LSM12: variants seen among roughly 807,000 people sequenced by gnomAD.
The protein encoded by LSM12 is LSM12 homolog.
For synonymous variants in LSM12, 74 were observed against 87.3 expected, an observed-to-expected ratio of 0.85 and a Z score of 0.85; for missense variants, 108 against 238.9, an observed-to-expected ratio of 0.45 and a Z score of 3.61.
intron 2 of LSM12, among the ~76,000 whole-genome samples, chr17:44,046,822 T>C (rs2049575544): frequency 7.3e-6 from 1 of 136,100 alleles, no homozygotes; most frequent in Admixed American, 7.6e-5. Context: ...CCTCCGCCTC[T>C]GGGGTTCAAG....
chr17:44,041,591 T>A (rs1370988716), intron 2 of LSM12, among the ~76,000 whole-genome samples: 1 of 152,216 alleles, frequency 6.6e-6, no homozygotes, highest in Non-Finnish European at 1.5e-5. Context: ...ACGAAGAGTC[T>A]GAATTCTACG....
chr17:44,036,439 T>C (rs9675211), intron 4 of LSM12, 139 bp from the exon 5 acceptor site: 205,542 of 1,124,876 alleles, frequency 0.18, 20,572 homozygotes, highest in Non-Finnish European at 0.2. Context: ...TTGCTGTCTA[T>C]TGGCCTTCCC....
At chr17:44,049,758 G>A (rs66626698) in intron 2 of LSM12, among the ~76,000 whole-genome samples, 5,759 of 152,290 alleles carry the variant, frequency 0.038, 154 homozygotes, top group Non-Finnish European at 0.058. Flanking sequence ...GTGCCGTGGG[G>A]AATCCAGAGG....
chr17:44,059,687 A>G (rs2049769878), intron 2 of LSM12, among the ~76,000 whole-genome samples: 1 of 152,212 alleles, frequency 6.6e-6, no homozygotes, highest in African/African-American at 2.4e-5. Context: ...GCCAATTTCC[A>G]AGAAGTTGCT....
At chr17:44,051,534 C>G (rs1031765919) in intron 2 of LSM12, among the ~76,000 whole-genome samples, 8 of 151,338 alleles carry the variant, frequency 5.3e-5, no homozygotes, top group Non-Finnish European at 5.9e-5. Context: ...ACCTAAGTGA[C>G]AAAGTAAGAC....
rs940312020 is a variant in LSM12, at chr17:44,066,642, G to A, written c.-55C>T. On this transcript the variant is annotated 5_prime_UTR_variant, in exon 1 of 5. Coordinates refer to ENST00000293406, the MANE Select transcript of LSM12 (RefSeq NM_001371445.1). ...CGGCGGCAGCAGCGGGCGAAAGCCGGGCCCCCAGTGAGCGCCGCGACGCGA... is the reference window on the plus strand; with the variant it reads ...CGGCGGCAGCAGCGGGCGAAAGCCGAGCCCCCAGTGAGCGCCGCGACGCGA... The A allele has an allele frequency of 5.4e-6, 7 of 1,286,292 alleles. No individual in the cohort carries two copies. The highest frequency in any genetic ancestry group is 3.1e-5 in the African/African-American group (2 of 64,050). The allele number at this position is 1,286,292 out of a possible 1,614,324, so 79.7% of individuals were successfully genotyped here. A position where few individuals can be genotyped will look rare whatever the true frequency, so the allele number is the denominator to read the frequency against.
At chr17:44,066,765 G>T (rs755852745), upstream of LSM12, 1 of 759,986 alleles carries the variant, frequency 1.3e-6, no homozygotes, top group Non-Finnish European at 1.8e-6. Flanking sequence ...AGGAAATAAA[G>T]GGGAATCTGA....
intron 3 of LSM12, 51 bp from the exon 4 acceptor site, chr17:44,037,589 A>T (rs1472314001): frequency 3.9e-6 from 6 of 1,530,930 alleles, no homozygotes; most frequent in Non-Finnish European, 2.6e-6. Flanking sequence ...GGCATCCCAC[A>T]TCTCCTGTCT....
chr17:44,066,262 G>A (rs2049874148), intron 1 of LSM12, among the ~76,000 whole-genome samples: 1 of 152,002 alleles, frequency 6.6e-6, no homozygotes, highest in South Asian at 2.1e-4. Context: ...CGCAAAGAGA[G>A]AGAGACAGGA....
intron 2 of LSM12, among the ~76,000 whole-genome samples, chr17:44,062,245 C>T (rs2049807126): frequency 7.5e-6 from 1 of 133,864 alleles, no homozygotes; most frequent in Admixed American, 7.5e-5. Context: ...AAAAAAAAAG[C>T]TATGAATAGG....
chr17:44,055,833 A>C (rs1441374344), intron 2 of LSM12, among the ~76,000 whole-genome samples: 2 of 150,886 alleles, frequency 1.3e-5, no homozygotes, highest in Non-Finnish European at 2.9e-5. Flanking sequence ...AATAATTATC[A>C]TATCAACTCC....
At chr17:44,036,756 G>A (rs1390774782) in intron 4 of LSM12, 1 of 169,766 alleles carries the variant, frequency 5.9e-6, no homozygotes, top group African/African-American at 2.4e-5. Context: ...GACATATGTA[G>A]GGTCAGAGAC....
intron 1 of LSM12, among the ~76,000 whole-genome samples, chr17:44,066,184 C>T (rs937423719): frequency 2.0e-5 from 3 of 147,060 alleles, no homozygotes; most frequent in Non-Finnish European, 3.0e-5. Context: ...TCATAACGTT[C>T]CCCCCAAAAA....
chr17:44,052,489 T>G (rs147458789), intron 2 of LSM12, among the ~76,000 whole-genome samples: 1 of 152,032 alleles, frequency 6.6e-6, no homozygotes, highest in Admixed American at 6.6e-5. Flanking sequence ...CCGGGTGCGG[T>G]GGCTCACACT....
In LSM12 at chr17:44,064,516, T is replaced by C. The variant is rs1191066374; in HGVS notation, c.125-582A>G. 4.0e-5 allele frequency among the ~76,000 whole-genome samples: 6 copies of C among 151,242 alleles called. No homozygotes were observed. In the East Asian group the frequency reaches 1.2e-3, roughly 30 times the overall value. On this transcript the variant is annotated intron_variant, in intron 1 of 4. Coordinates refer to ENST00000293406, the MANE Select transcript of LSM12 (RefSeq NM_001371445.1). ...GGGAGGCTGAGGCGGGCAGATTACT[T>C]GAGGTCAGGAGTTCAAGACCAGCCT...
chr17:44,043,199 C>T (rs77900636), intron 2 of LSM12, among the ~76,000 whole-genome samples: 296 of 152,354 alleles, frequency 1.9e-3, no homozygotes, highest in Non-Finnish European at 2.8e-3. Flanking sequence ...GGCCAGCTCA[C>T]GCTGTCATTT....
intron 2 of LSM12, among the ~76,000 whole-genome samples, chr17:44,062,779 T>G (rs972635490): frequency 6.6e-6 from 1 of 151,708 alleles, no homozygotes; most frequent in African/African-American, 2.4e-5. Context: ...TCTTACCACT[T>G]TGGGAGGCCG....
chr17:44,044,552 C>CTA (rs1218145527), intron 2 of LSM12, among the ~76,000 whole-genome samples: 2 of 152,210 alleles, frequency 1.3e-5, no homozygotes, highest in Admixed American at 6.5e-5. Context: ...ACTCAACCTA[C>CTA]AGTAATGCTT....
intron 3 of LSM12, among the ~76,000 whole-genome samples, chr17:44,039,113 T>C (rs1001319401): frequency 5.9e-5 from 9 of 152,008 alleles, no homozygotes; most frequent in African/African-American, 2.2e-4. Flanking sequence ...TGGAATGCAA[T>C]GCACAATCTT....
Sources: allele counts gnomAD v4.1 joint callset (sites outside exome capture counted in the v4.1 genomes callset), GRCh38; gene constraint gnomAD v4.1.1; transcripts MANE v1.5; gene names NCBI Gene and HGNC (gene_info 2026-07-23, HGNC 2026-07-21).